The following FMO5 variants were observed in gnomAD, a reference collection of about 807,000 sequenced individuals.
FMO5 encodes the protein flavin-containing monooxygenase 5.
FMO5 carries 51 observed loss-of-function variants against 43.6 expected under a neutral mutation model. That is an observed-to-expected ratio of 1.17 (90% CI 0.93 to 1.48). FMO5 has a LOEUF of 1.48. Ranked by LOEUF, FMO5 falls within the 40% of genes most tolerant of loss-of-function variation. FMO5 has a pLI of 0.00. For synonymous variants in FMO5, 187 were observed against 216.5 expected (o/e 0.86, Z 1.20); for missense variants, 644 against 643.0 (o/e 1.00, Z -0.02).
chr1:147,219,534 C>T (rs782408174), intron 2 of FMO5, among the ~76,000 whole-genome samples: 2 of 152,048 alleles, frequency 1.3e-5, no homozygotes, highest in African/African-American at 4.8e-5. Context: ...TCATACTTAA[C>T]AGTGAGAAAT....
intron 6 of FMO5, chr1:147,204,976 G>T: frequency 1.7e-6 from 2 of 1,163,016 alleles, no homozygotes; most frequent in Non-Finnish European, 2.6e-6. Flanking sequence ...TCAGAAGACC[G>T]CGGAGGAACC....
In FMO5 at chr1:147,186,420, T is replaced by C. The variant is rs781950911; in HGVS notation, c.*480A>G. ...GATACATACAACTATTGTAGGAACA[T>C]TATTTCTCTTATCTCTCAGGAAACA... is the stretch of plus-strand genomic sequence containing the variant. On this transcript the variant is annotated 3_prime_UTR_variant, in exon 9 of 9. Transcript: ENST00000254090. 2.2e-6 allele frequency: 2 copies of C among 905,530 alleles called. No homozygotes were observed. Among genetic ancestry groups the C allele is most frequent in the East Asian group, 2.4e-4 (2 of 8,462 alleles). 56.1% of individuals were successfully genotyped at this position (905,530 alleles called of 1,614,324 possible).
chr1:147,197,791 C>A (rs1190421171), intron 7 of FMO5, among the ~76,000 whole-genome samples: 1 of 152,128 alleles, frequency 6.6e-6, no homozygotes, highest in African/African-American at 2.4e-5. Flanking sequence ...CACAGTCTTC[C>A]TTGCTTGGCT....
intron 7 of FMO5, among the ~76,000 whole-genome samples, chr1:147,193,285 G>C (rs587734773): frequency 1.6e-4 from 25 of 152,282 alleles, no homozygotes; most frequent in African/African-American, 4.8e-4. Context: ...AGATTTTCTA[G>C]TTTATTTGTG....
Position 147,190,249 on chromosome 1 carries a change from C to A in FMO5, c.1184G>T (p.Gly395Val). 1.3e-6 allele frequency: 2 copies of A among 1,593,190 alleles called. No individual in the cohort carries two copies. Among genetic ancestry groups the A allele is most frequent in the Non-Finnish European group, 1.7e-6 (2 of 1,164,438 alleles). The change falls in exon 8 of 9, where the codon GGT becomes GTT. Residue 395 changes from glycine (G) to valine (V), a missense_variant and splice_region_variant. By Grantham distance (109) the Gly-to-Val change is moderately radical (BLOSUM62 -3). Coordinates refer to ENST00000254090, the MANE Select transcript of FMO5 (RefSeq NM_001461.4). ...QGRWATQVFK[G>V]LKTLPSQSEM... The stretch of plus-strand genomic sequence containing the variant: ...ACTCTGTGAGGGCAATGTCTTTAGA[C>A]CTAAAAACAAAAATTAACATTTTAA...
intron 6 of FMO5, among the ~76,000 whole-genome samples, chr1:147,207,204 C>T (rs1178492231): frequency 6.6e-6 from 1 of 151,972 alleles, no homozygotes; most frequent in Non-Finnish European, 1.5e-5. Flanking sequence ...TTAATGACTG[C>T]AACGTACTCA....
chr1:147,184,997 C>T (rs28381230), downstream of FMO5, among the ~76,000 whole-genome samples: 5,610 of 151,798 alleles, frequency 0.037, 148 homozygotes, highest in South Asian at 0.095. The surrounding 1 kb of genome is among the most constrained non-coding windows in gnomAD (Gnocchi z 4.4). Context: ...TTTTTGTAAT[C>T]GACTTTAAAA....
At chr1:147,198,172 G>A (rs1323548582) in intron 7 of FMO5, among the ~76,000 whole-genome samples, 1 of 152,160 alleles carries the variant, frequency 6.6e-6, no homozygotes. Flanking sequence ...ATTGGCTAAG[G>A]TAGCCCATAA....
In FMO5 at chr1:147,216,030, A is replaced by G. The variant is rs1661929235; in HGVS notation, c.136-88T>C. The G allele has an allele frequency of 1.2e-5, 11 of 917,566 alleles. No homozygotes were observed. The South Asian group carries it at 1.6e-4, about 14-fold the overall frequency. 56.8% of individuals were successfully genotyped at this position (917,566 alleles called of 1,614,324 possible). On this transcript the variant is annotated intron_variant, in intron 2 of 8. Transcript: ENST00000254090. Reference sequence around the variant, plus strand: ...ATAGACATCTGAAAAAGTTTTCTGAAAGAAGTGTCAATTAAATCACACACA... The same window carrying G: ...ATAGACATCTGAAAAAGTTTTCTGAGAGAAGTGTCAATTAAATCACACACA...
intron 3 of FMO5, chr1:147,215,148 C>T (rs1317239307): frequency 6.6e-6 from 1 of 152,074 alleles, no homozygotes; most frequent in African/African-American, 2.4e-5. Context: ...TGATCTGGTA[C>T]AATCATCTTG....
At chr1:147,213,200 TCTTA>T (rs1300710704) in intron 4 of FMO5, 104 bp downstream of exon 4, 1 of 902,972 alleles carries the variant, frequency 1.1e-6, no homozygotes, top group Admixed American at 2.8e-5. Context: ...TTAGGATAAG[TCTTA>T]CTTCATTCCA....
At chr1:147,219,932 G>A (rs587732292) in intron 2 of FMO5, among the ~76,000 whole-genome samples, 7 of 147,778 alleles carry the variant, frequency 4.7e-5, no homozygotes, top group South Asian at 2.1e-4. Context: ...CCTGCCTCCC[G>A]GGTGCAAGCA....
At chr1:147,192,423 G>A (rs1571171258) in intron 7 of FMO5, among the ~76,000 whole-genome samples, 1 of 152,184 alleles carries the variant, frequency 6.6e-6, no homozygotes, top group Non-Finnish European at 1.5e-5. Context: ...TGAGACAATG[G>A]GGTTTTCTAG....
intron 6 of FMO5, among the ~76,000 whole-genome samples, chr1:147,205,711 A>G (rs7519395): frequency 0.056 from 8,488 of 152,308 alleles, 265 homozygotes; most frequent in African/African-American, 0.092. Flanking sequence ...CTGGCTAGCC[A>G]TATGTACAAA....
At chr1:147,205,570 A>G (rs1324971687) in intron 6 of FMO5, among the ~76,000 whole-genome samples, 4 of 152,244 alleles carry the variant, frequency 2.6e-5, no homozygotes, top group African/African-American at 4.8e-5. Flanking sequence ...TATTTCTTAT[A>G]TAGACCAATG....
chr1:147,204,548 T>C (rs1659621899), intron 6 of FMO5: 1 of 1,583,576 alleles, frequency 6.3e-7, no homozygotes, highest in African/African-American at 1.3e-5. Context: ...TAACCTTCTA[T>C]GACCTCTGAA....
rs587752559 is a variant in FMO5, at chr1:147,209,142, C to T, written c.631-91G>A. On this transcript the variant is annotated intron_variant, in intron 5 of 8. Transcript: ENST00000254090. ...TTTTCTTCAAGAATCATTTCAGGCC[C>T]GGCGCGGTGGCTCACGCCTGTAATC... The T allele has an allele frequency of 4.1e-4, 460 of 1,130,838 alleles. 1 individual carries two copies. Among genetic ancestry groups the T allele is most frequent in the Non-Finnish European group, 5.0e-4 (396 of 795,008 alleles). 70.1% of individuals were successfully genotyped at this position (1,130,838 alleles called of 1,614,324 possible). A position where few individuals can be genotyped will look rare whatever the true frequency, so the allele number is the denominator to read the frequency against.
At chr1:147,212,730 AT>A (rs1353864661) in intron 4 of FMO5, among the ~76,000 whole-genome samples, 195 bp from the exon 5 acceptor site, 1 of 151,858 alleles carries the variant, frequency 6.6e-6, no homozygotes, top group African/African-American at 2.4e-5. Context: ...GTACCTTGTG[AT>A]TTCCTTGTCA....
upstream of FMO5, among the ~76,000 whole-genome samples, chr1:147,226,501 T>C (rs1663992810): frequency 6.6e-6 from 1 of 152,188 alleles, no homozygotes. Context: ...TATCCACTTC[T>C]AAAATGTAAC....
Sources: allele counts gnomAD v4.1 joint callset (sites outside exome capture counted in the v4.1 genomes callset), GRCh38; gene constraint gnomAD v4.1.1; non-coding constraint Gnocchi (gnomAD v3.1); transcripts MANE v1.5; gene names NCBI Gene and HGNC (gene_info 2026-07-23, HGNC 2026-07-21).